The following RD3 variants were observed in gnomAD, a reference collection of about 807,000 sequenced individuals.
RD3 encodes the protein protein RD3.
Under a neutral mutation model 16.9 loss-of-function variants are expected in RD3, and 11 were observed. The observed-to-expected ratio is 0.65, with a 90% CI of 0.41 to 1.08. RD3 has a LOEUF of 1.08. RD3 is among the 50% of genes least tolerant of loss of function. The probability of loss-of-function intolerance (pLI) is 0.00; values close to 1 mark genes in which losing one functional copy is unlikely to be tolerated. For synonymous variants in RD3, 116 were observed against 114.8 expected (o/e 1.01, Z -0.07); for missense variants, 274 against 267.4 (o/e 1.02, Z -0.17).
intron 2 of RD3, 137 bp downstream of exon 2, chr1:211,480,983 C>A: frequency 1.1e-6 from 1 of 913,020 alleles, no homozygotes. Context: ...GACTCCTTTT[C>A]CCCTCTTGCT....
In RD3 at chr1:211,478,353, A is replaced by G. The variant is rs1205830437; in HGVS notation, c.*683T>C. On this transcript the variant is annotated 3_prime_UTR_variant, in exon 3 of 3. Coordinates refer to ENST00000680073, the MANE Select transcript of RD3 (RefSeq NM_001164688.2). ...ATGTAGCCTTTGGACCTGTCCCTTC[A>G]TAGCCCAGGATTCCAAACTCAGGAA... is the stretch of plus-strand genomic sequence containing the variant. 6 of 395,498 alleles carry G rather than the reference A, an allele frequency of 1.5e-5. No homozygotes were observed. The allele number at this position is 395,498 out of a possible 1,614,324, so 24.5% of individuals were successfully genotyped here. A position where few individuals can be genotyped will look rare whatever the true frequency, so the allele number is the denominator to read the frequency against.
chr1:211,482,532 G>T (rs1046520452), intron 1 of RD3, among the ~76,000 whole-genome samples: 1 of 151,904 alleles, frequency 6.6e-6, no homozygotes, highest in Admixed American at 6.5e-5. Context: ...CACATGGGCT[G>T]ATGGAGAAGG....
intron 1 of RD3, 132 bp from the exon 2 acceptor site, chr1:211,481,558 G>C: frequency 1.3e-6 from 1 of 748,736 alleles, no homozygotes; most frequent in Non-Finnish European, 2.2e-6. Flanking sequence ...TAACAGTTGA[G>C]TGGCCTCAAG....
chr1:211,481,500 G>C lies in RD3; in HGVS notation c.-11-74C>G, dbSNP rs1175910608. On this transcript the variant is annotated intron_variant, in intron 1 of 2. Transcript: ENST00000680073. The stretch of plus-strand genomic sequence containing the variant: ...CAGAGTGGGGAACCTGGGAACCCAA[G>C]GGGGAGAGAGGAGAGCTGGGACCCA... The C allele has an allele frequency of 5.6e-6, 8 of 1,420,522 alleles. No homozygotes were observed. In the East Asian group the frequency reaches 1.2e-4, roughly 21 times the overall value. The allele number at this position is 1,420,522 out of a possible 1,614,324, so 88.0% of individuals were successfully genotyped here.
Position 211,481,400 on chromosome 1 carries a change from A to C in RD3, c.16T>G (p.Trp6Gly), listed in dbSNP as rs35649846. ...GATGGGGCCTCGTTCCACCGAAGCC[A>C]TGAGATGAGAGACATAGCCCCTGGC... MSLISWLRWNEAPSRL... is the reference protein window; with the variant it reads MSLISGLRWNEAPSRL... Residue 6 changes from tryptophan (W) to glycine (G), a missense_variant, in exon 2 of 3, where the codon TGG becomes GGG. By Grantham distance (184) the Trp-to-Gly change is radical. Transcript: ENST00000680073. The C allele has an allele frequency of 6.2e-7, 1 of 1,612,880 alleles. No individual in the cohort carries two copies. The highest frequency in any genetic ancestry group is 1.7e-5 in the Admixed American group (1 of 60,024).
chr1:211,489,221 C>T (rs563453497), intron 1 of RD3, among the ~76,000 whole-genome samples: 8 of 152,250 alleles, frequency 5.3e-5, no homozygotes, highest in African/African-American at 1.9e-4. Context: ...CTACCATTGT[C>T]GCTTAGTACA....
Position 211,478,836 on chromosome 1 carries a change from G to C in RD3, c.*200C>G, listed in dbSNP as rs899892784. The C allele has an allele frequency of 3.4e-6, 2 of 592,156 alleles. No individual in the cohort carries two copies. Among genetic ancestry groups the C allele is most frequent in the Admixed American group, 6.1e-5 (2 of 32,746 alleles). The allele number at this position is 592,156 out of a possible 1,614,324, so 36.7% of individuals were successfully genotyped here. ...GAGGGAGAGGGCGGTGCCGCTCTAC[G>C]ACCTAACTCAGCTTTGTGGCCAGAG... is the stretch of plus-strand genomic sequence containing the variant. On this transcript the variant is annotated 3_prime_UTR_variant, in exon 3 of 3. Transcript: ENST00000680073.
intron 1 of RD3, among the ~76,000 whole-genome samples, chr1:211,488,064 C>T (rs910975540): frequency 5.3e-5 from 8 of 152,206 alleles, no homozygotes; most frequent in East Asian, 1.9e-4. Context: ...CATTAACCAG[C>T]GAGGCCTTGG....
chr1:211,490,905 C>T (rs991223085), intron 1 of RD3, among the ~76,000 whole-genome samples: 4 of 152,146 alleles, frequency 2.6e-5, no homozygotes, highest in African/African-American at 9.7e-5. Flanking sequence ...ACGTTTCTCA[C>T]GCTTTGGGTT....
chr1:211,488,532 C>CAAAA (rs35415066), intron 1 of RD3, among the ~76,000 whole-genome samples: 20 of 107,752 alleles, frequency 1.9e-4, no homozygotes, highest in African/African-American at 7.3e-4. Flanking sequence ...AAGACTCTGT[C>CAAAA]AAAAAAAAAA....
At chr1:211,479,811 CT>C (rs748842356) in intron 2 of RD3, among the ~76,000 whole-genome samples, 2 of 152,210 alleles carry the variant, frequency 1.3e-5, no homozygotes, top group Non-Finnish European at 2.9e-5. Flanking sequence ...CAGGGGTCCC[CT>C]GATACTTCCC....
intron 2 of RD3, among the ~76,000 whole-genome samples, chr1:211,480,187 C>T (rs917920807): frequency 4.8e-4 from 73 of 152,144 alleles, no homozygotes; most frequent in African/African-American, 1.7e-3. Context: ...TGGAGGCTTC[C>T]ACAGTACAGA....
intron 1 of RD3, among the ~76,000 whole-genome samples, chr1:211,488,766 G>A (rs1572146307): frequency 6.6e-6 from 1 of 152,168 alleles, no homozygotes; most frequent in Admixed American, 6.5e-5. Flanking sequence ...CAGAGTTGCT[G>A]CTGTCCATTG....
chr1:211,481,551 C>T, intron 1 of RD3, 125 bp from the exon 2 acceptor site: 1 of 824,070 alleles, frequency 1.2e-6, no homozygotes, highest in Non-Finnish European at 1.9e-6. Context: ...TCTGCCCTAA[C>T]AGTTGAGTGG....
chr1:211,484,964 C>A (rs1448291365), intron 1 of RD3, among the ~76,000 whole-genome samples: 1 of 152,218 alleles, frequency 6.6e-6, no homozygotes, highest in Non-Finnish European at 1.5e-5. Context: ...GACTGTCTGG[C>A]AGGGAATTCT....
rs1005662694 is a variant in RD3 at position 211,478,824 on chromosome 1, G to A, written c.*212C>T. 3.5e-6 allele frequency: 2 copies of A among 577,678 alleles called. No individual in the cohort carries two copies. Among genetic ancestry groups the A allele is most frequent in the South Asian group, 2.3e-5 (1 of 43,502 alleles). The allele number at this position is 577,678 out of a possible 1,614,324, so 35.8% of individuals were successfully genotyped here. ...ACTAGCGCAGGAGAGGGAGAGGGCG[G>A]TGCCGCTCTACGACCTAACTCAGCT... is the stretch of plus-strand genomic sequence containing the variant. On this transcript the variant is annotated 3_prime_UTR_variant, in exon 3 of 3. Transcript: ENST00000680073.
chr1:211,484,154 C>A (rs927799921), intron 1 of RD3, among the ~76,000 whole-genome samples: 1 of 152,204 alleles, frequency 6.6e-6, no homozygotes, highest in South Asian at 2.1e-4. Flanking sequence ...CTTTACGGAA[C>A]GTGACTGCCT....
chr1:211,487,664 G>A (rs867716203), intron 1 of RD3, among the ~76,000 whole-genome samples: 1 of 152,166 alleles, frequency 6.6e-6, no homozygotes, highest in African/African-American at 2.4e-5. Context: ...GTTGTTCCTC[G>A]GGACCCCTGC....
In RD3 at chr1:211,477,733, T is replaced by C. The variant is rs1705173502; in HGVS notation, c.*1303A>G. On this transcript the variant is annotated 3_prime_UTR_variant, in exon 3 of 3. Coordinates refer to ENST00000680073, the MANE Select transcript of RD3 (RefSeq NM_001164688.2). Reference sequence around the variant, plus strand: ...TTTTCCACTGAGGGAATACACACTTTTCCCCCCTGTTGATTATATCTCCTC... The same window carrying C: ...TTTTCCACTGAGGGAATACACACTTCTCCCCCCTGTTGATTATATCTCCTC... The C allele has an allele frequency of 5.2e-6, 1 of 192,050 alleles. No individual in the cohort carries two copies. The highest frequency in any genetic ancestry group is 6.1e-5 in the Admixed American group (1 of 16,392). The allele number at this position is 192,050 out of a possible 1,614,324, so 11.9% of individuals were successfully genotyped here.
Sources: gnomAD v4.1 joint callset for allele counts (sites outside exome capture counted in the v4.1 genomes callset) on GRCh38, gnomAD v4.1.1 for gene constraint, MANE v1.5 for transcripts, NCBI Gene and HGNC (gene_info 2026-07-23, HGNC 2026-07-21) for gene names.